The following UTRN variants were observed in gnomAD, a reference collection of about 807,000 sequenced individuals.
UTRN encodes the protein utrophin.
A neutral mutation model predicts 463.9 loss-of-function variants in UTRN; 283 were observed. The ratio of observed to expected loss-of-function variants is 0.61; its 90% confidence interval spans 0.55 to 0.67. The LOEUF (loss-of-function observed/expected upper bound fraction) is 0.67. Ranked by LOEUF, UTRN falls within the 30% of genes least tolerant of loss-of-function variation. The pLI is 0.00. For synonymous variants in UTRN, 1,442 were observed against 1,431.5 expected (o/e 1.01, Z -0.17); for missense variants, 3,922 against 4,084.3 (o/e 0.96, Z 1.08).
At chr6:144,517,617 T>A (rs1795736293) in intron 39 of UTRN, among the ~76,000 whole-genome samples, 1 of 152,226 alleles carries the variant, frequency 6.6e-6, no homozygotes, top group Non-Finnish European at 1.5e-5. Flanking sequence ...CTTTGGAAAT[T>A]AAGTAGATCG....
At chr6:144,463,181 GT>G (rs1175870759) in intron 23 of UTRN, among the ~76,000 whole-genome samples, 1 of 152,210 alleles carries the variant, frequency 6.6e-6, no homozygotes, top group Non-Finnish European at 1.5e-5. Flanking sequence ...TTAGATTATA[GT>G]AGTAACTTGG....
rs9390210 is a variant in UTRN at position 144,755,421 on chromosome 6, G to C, written c.8434+623G>C. On this transcript the variant is annotated intron_variant, in intron 57 of 74. Transcript: ENST00000367545. Reference sequence around the variant, plus strand: ...TGAGCTTCTACTTTATCATTCACTAGTGAAGATACTAAAGAATGTCGGATT... The same window carrying C: ...TGAGCTTCTACTTTATCATTCACTACTGAAGATACTAAAGAATGTCGGATT... 3.3e-3 allele frequency among the ~76,000 whole-genome samples: 499 copies of C among 152,268 alleles called. 15 individuals carry two copies. The East Asian group carries it at 0.077, about 24-fold the overall frequency.
intron 51 of UTRN, among the ~76,000 whole-genome samples, chr6:144,614,192 T>TA (rs952620665): frequency 1.3e-5 from 2 of 152,130 alleles, no homozygotes; most frequent in African/African-American, 2.4e-5. Context: ...CTCCTGCTTC[T>TA]AAAAGGTGCT....
intron 2 of UTRN, among the ~76,000 whole-genome samples, chr6:144,318,099 A>G (rs1380883238): frequency 2.0e-5 from 3 of 152,186 alleles, no homozygotes; most frequent in East Asian, 1.9e-4. Flanking sequence ...TACTGAAAAT[A>G]CTTTGCACTG....
intron 51 of UTRN, among the ~76,000 whole-genome samples, chr6:144,669,804 T>C (rs569933061): frequency 1.1e-4 from 17 of 152,266 alleles, no homozygotes; most frequent in African/African-American, 4.1e-4. Flanking sequence ...TCATCATAGC[T>C]CAGCTCCCAC....
chr6:144,398,257 G>T, intron 2 of UTRN: 1 of 263,830 alleles, frequency 3.8e-6, no homozygotes, highest in Non-Finnish European at 7.8e-6. Context: ...TTGCTTTGGA[G>T]TTTCTTAACA....
chr6:144,308,977 C>T (rs1805995120), intron 2 of UTRN, among the ~76,000 whole-genome samples: 1 of 152,004 alleles, frequency 6.6e-6, no homozygotes, highest in Non-Finnish European at 1.5e-5. Flanking sequence ...AGACCCCCTA[C>T]CAGTCCAGTA....
chr6:144,290,193 A>T (rs1177441501), intron 1 of UTRN, among the ~76,000 whole-genome samples: 2 of 152,226 alleles, frequency 1.3e-5, no homozygotes, highest in African/African-American at 4.8e-5. Flanking sequence ...AATGTTAAAG[A>T]AATTTAACAT....
intron 52 of UTRN, among the ~76,000 whole-genome samples, chr6:144,693,411 T>C (rs1783640147): frequency 6.6e-6 from 1 of 152,234 alleles, no homozygotes; most frequent in African/African-American, 2.4e-5. Context: ...AAAATAGTTT[T>C]CTCTAGTTCT....
chr6:144,793,273 T>C (rs1402044061), intron 62 of UTRN, among the ~76,000 whole-genome samples: 1 of 150,710 alleles, frequency 6.6e-6, no homozygotes, highest in African/African-American at 2.4e-5. Flanking sequence ...TTTATTCCTT[T>C]GTGTTTTTTT....
At chr6:144,829,709 TAA>T (rs76736169) in intron 69 of UTRN, among the ~76,000 whole-genome samples, 11 of 135,844 alleles carry the variant, frequency 8.1e-5, no homozygotes, top group African/African-American at 8.2e-5. Context: ...GTGTTTTCAC[TAA>T]AAAAAAAAAA....
intron 52 of UTRN, among the ~76,000 whole-genome samples, chr6:144,682,201 G>T (rs1782276455): frequency 6.6e-6 from 1 of 152,016 alleles, no homozygotes; most frequent in South Asian, 2.1e-4. Context: ...ATCTCCATGA[G>T]TTCAATTGTT....
intron 2 of UTRN, among the ~76,000 whole-genome samples, chr6:144,307,141 A>G (rs959753120): frequency 1.3e-5 from 2 of 152,146 alleles, no homozygotes; most frequent in Non-Finnish European, 2.9e-5. Flanking sequence ...TGACCCTAAA[A>G]TGAGCATCTG....
At chr6:144,557,559 C>G (rs952954423) in intron 50 of UTRN, among the ~76,000 whole-genome samples, 1 of 151,648 alleles carries the variant, frequency 6.6e-6, no homozygotes, top group African/African-American at 2.4e-5. Context: ...CTAAACCTTG[C>G]CAATGATTAT....
chr6:144,446,036 A>G lies in UTRN; in HGVS notation c.1615-1175A>G, dbSNP rs564613475. On this transcript the variant is annotated intron_variant, in intron 14 of 74. Coordinates refer to ENST00000367545, the MANE Select transcript of UTRN (RefSeq NM_007124.3). ...AGAGTGAGACTCTGTCTCAAAAAATAAAAATAATAGTAATAGTAATAATTG... is the reference window on the plus strand; with the variant it reads ...AGAGTGAGACTCTGTCTCAAAAAATGAAAATAATAGTAATAGTAATAATTG... Among the ~76,000 whole-genome samples, 5 of 152,338 alleles carry G rather than the reference A, an allele frequency of 3.3e-5. No homozygotes were observed. The East Asian group carries it at 7.7e-4, about 23-fold the overall frequency.
chr6:144,560,733 C>T (rs1799793638), intron 50 of UTRN, among the ~76,000 whole-genome samples: 1 of 152,060 alleles, frequency 6.6e-6, no homozygotes, highest in African/African-American at 2.4e-5. Flanking sequence ...CTAAAAACAG[C>T]TTTGATAACA....
At chr6:144,688,515 T>A (rs893273934) in intron 52 of UTRN, among the ~76,000 whole-genome samples, 16 of 152,204 alleles carry the variant, frequency 1.1e-4, no homozygotes, top group Non-Finnish European at 1.9e-4. Context: ...TAATTATTTT[T>A]TAATTTATTT....
rs115978621 is a variant in UTRN at position 144,351,420 on chromosome 6, G to A, written c.80-51703G>A. Among the ~76,000 whole-genome samples, 1,059 of 152,280 alleles carry A rather than the reference G, an allele frequency of 7.0e-3. 12 individuals carry two copies. The highest frequency in any genetic ancestry group is 0.024 in the African/African-American group (1,016 of 41,556). ...TTTTTCACATCAAAGCATTGAAGCT[G>A]TAATTCTATGTTGGGTTCATTTAAC... is the stretch of plus-strand genomic sequence containing the variant. On this transcript the variant is annotated intron_variant, in intron 2 of 74. Transcript: ENST00000367545.
At chr6:144,649,307 G>A (rs1778571554) in intron 51 of UTRN, among the ~76,000 whole-genome samples, 1 of 152,194 alleles carries the variant, frequency 6.6e-6, no homozygotes, top group African/African-American at 2.4e-5. Context: ...TGCCTGGTAG[G>A]TAGGATAAGG....
Sources: allele counts gnomAD v4.1 joint callset (sites outside exome capture counted in the v4.1 genomes callset), GRCh38; gene constraint gnomAD v4.1.1; transcripts MANE v1.5; gene names NCBI Gene and HGNC (gene_info 2026-07-23, HGNC 2026-07-21).